SETD3: variants seen among roughly 807,000 people sequenced by gnomAD.
SETD3 encodes the protein actin-histidine N-methyltransferase.
SETD3 carries 19 observed loss-of-function variants against 63.0 expected under a neutral mutation model. The observed-to-expected ratio is 0.30, with a 90% confidence interval of 0.21 to 0.44. The LOEUF (loss-of-function observed/expected upper bound fraction) is 0.44. SETD3 is among the 20% of genes least tolerant of loss of function. The pLI is 1.00. For synonymous variants in SETD3, 286 were observed against 264.1 expected, an observed-to-expected ratio of 1.08 and a Z score of -0.80; for missense variants, 587 against 728.5, an observed-to-expected ratio of 0.81 and a Z score of 2.24.
intron 6 of SETD3, among the ~76,000 whole-genome samples, chr14:99,438,603 T>C (rs1396313121): frequency 6.6e-6 from 1 of 152,184 alleles, no homozygotes; most frequent in East Asian, 1.9e-4. Context: ...CACATCCAGT[T>C]TGTCACCAGA....
intron 6 of SETD3, among the ~76,000 whole-genome samples, chr14:99,439,015 T>C (rs562491190): frequency 2.6e-5 from 4 of 152,344 alleles, no homozygotes; most frequent in East Asian, 1.9e-4. Context: ...AGAGGGTAGA[T>C]TGTAAATATG....
chr14:99,435,262 T>C (rs1048922983), intron 6 of SETD3, among the ~76,000 whole-genome samples: 6 of 152,216 alleles, frequency 3.9e-5, no homozygotes, highest in African/African-American at 1.4e-4. Context: ...TTTTTTTAGG[T>C]AGTAAACTCA....
intron 6 of SETD3, among the ~76,000 whole-genome samples, chr14:99,433,232 T>C (rs1404686014): frequency 6.6e-6 from 1 of 152,128 alleles, no homozygotes; most frequent in Non-Finnish European, 1.5e-5. Flanking sequence ...TAAATGACAC[T>C]AGTATACTTA....
At chr14:99,420,910 T>C (rs1892553160) in intron 6 of SETD3, among the ~76,000 whole-genome samples, 1 of 108,710 alleles carries the variant, frequency 9.2e-6, no homozygotes, top group African/African-American at 3.8e-5. Context: ...CAACCACTTG[T>C]GCTGCCATTT....
chr14:99,483,592 A>G (rs984287403), upstream of SETD3, among the ~76,000 whole-genome samples: 1 of 152,216 alleles, frequency 6.6e-6, no homozygotes, highest in Non-Finnish European at 1.5e-5. Flanking sequence ...CTTTTGTTAC[A>G]GTTTACTAGA....
At chr14:99,471,862 T>G (rs921197128) in intron 1 of SETD3, among the ~76,000 whole-genome samples, 2 of 152,162 alleles carry the variant, frequency 1.3e-5, no homozygotes, top group African/African-American at 4.8e-5. Flanking sequence ...TGGGCACTTG[T>G]GACCAAGGAC....
intron 6 of SETD3, among the ~76,000 whole-genome samples, chr14:99,414,141 C>T (rs1336650891): frequency 6.6e-6 from 1 of 152,252 alleles, no homozygotes; most frequent in Non-Finnish European, 1.5e-5. Context: ...GCCCAGCAGC[C>T]GCCATAAATC....
chr14:99,459,294 G>C, intron 4 of SETD3, 109 bp from the exon 5 acceptor site: 1 of 628,218 alleles, frequency 1.6e-6, no homozygotes. Context: ...ACTTAAGGCT[G>C]CATATCAGCA....
intron 1 of SETD3, among the ~76,000 whole-genome samples, 169 bp downstream of exon 1, chr14:99,480,559 C>T (rs1470343799): frequency 6.6e-6 from 1 of 150,774 alleles, no homozygotes; most frequent in Non-Finnish European, 1.5e-5. Context: ...ACACCTGCCC[C>T]TTCAAGCCCC....
chr14:99,444,889 CAATT>C (rs1243031144), intron 6 of SETD3, among the ~76,000 whole-genome samples: 1 of 150,854 alleles, frequency 6.6e-6, no homozygotes, highest in Non-Finnish European at 1.5e-5. Flanking sequence ...TATAATATGT[CAATT>C]AAAGAAAATG....
chr14:99,421,222 G>A (rs1892581469), intron 6 of SETD3, among the ~76,000 whole-genome samples: 1 of 152,102 alleles, frequency 6.6e-6, no homozygotes, highest in Admixed American at 6.5e-5. Context: ...AAAGAAACTA[G>A]AAATAAACAG....
At chr14:99,418,503 G>GC (rs1418126186) in intron 6 of SETD3, among the ~76,000 whole-genome samples, 3 of 152,122 alleles carry the variant, frequency 2.0e-5, no homozygotes, top group Admixed American at 1.3e-4. Context: ...ATGCAATTTT[G>GC]CAAGTTTCAG....
At chr14:99,399,293 C>G (rs557617022) in intron 12 of SETD3, among the ~76,000 whole-genome samples, 168 bp from the exon 13 acceptor site, 2 of 152,184 alleles carry the variant, frequency 1.3e-5, no homozygotes, top group Admixed American at 6.5e-5. Context: ...CACATCAAAA[C>G]GTACGCTTCA....
rs1566867696 is a variant in SETD3, at chr14:99,398,654, A to C, written c.*25T>G. On this transcript the variant is annotated 3_prime_UTR_variant, in exon 13 of 13. Coordinates refer to ENST00000331768, the MANE Select transcript of SETD3 (RefSeq NM_032233.3). ...TGTCCGTCAACTCCTGCTCCACTGG[A>C]TCCCCCATCCAGCTTCACCTCGAGC... 1.2e-6 allele frequency: 2 copies of C among 1,601,742 alleles called. No individual in the cohort carries two copies. The highest frequency in any genetic ancestry group is 1.7e-6 in the Non-Finnish European group (2 of 1,170,948).
intron 11 of SETD3, 126 bp from the exon 12 acceptor site, chr14:99,400,385 C>A: frequency 2.0e-6 from 2 of 1,005,514 alleles, no homozygotes; most frequent in Non-Finnish European, 1.5e-6. Context: ...GCTGTCCCTA[C>A]GCAATGGGCC....
chr14:99,445,080 T>C (rs571150503), intron 6 of SETD3, among the ~76,000 whole-genome samples: 44 of 152,316 alleles, frequency 2.9e-4, no homozygotes, highest in Non-Finnish European at 5.1e-4. Context: ...AGAGGTAATA[T>C]GCGATGCAAA....
intron 3 of SETD3, among the ~76,000 whole-genome samples, chr14:99,462,301 G>A (rs1353199288): frequency 6.6e-6 from 1 of 152,150 alleles, no homozygotes; most frequent in Non-Finnish European, 1.5e-5. Context: ...GAAAAGACAT[G>A]CATAGAAAAA....
intron 6 of SETD3, among the ~76,000 whole-genome samples, chr14:99,454,401 C>T (rs1894637973): frequency 6.6e-6 from 1 of 152,066 alleles, no homozygotes; most frequent in African/African-American, 2.4e-5. Flanking sequence ...CAACTTTGAG[C>T]TTGTGACGAG....
chr14:99,406,117 TG>T (rs1231883008), intron 9 of SETD3, among the ~76,000 whole-genome samples: 11 of 152,208 alleles, frequency 7.2e-5, no homozygotes, highest in African/African-American at 2.7e-4. Flanking sequence ...CAGATTCCCT[TG>T]CTTTTGCCCC....
Sources: gnomAD v4.1 joint callset for allele counts (sites outside exome capture counted in the v4.1 genomes callset) on GRCh38, gnomAD v4.1.1 for gene constraint, MANE v1.5 for transcripts, NCBI Gene and HGNC (gene_info 2026-07-23, HGNC 2026-07-21) for gene names.